Variants in MICAL2 observed in about 807,000 individuals in gnomAD.
MICAL2 encodes the protein [F-actin]-monooxygenase MICAL2.
MICAL2 carries 77 observed loss-of-function variants against 127.3 expected under a neutral mutation model. The observed-to-expected ratio is 0.60, with a 90% CI of 0.50 to 0.73. The LOEUF (loss-of-function observed/expected upper bound fraction) is 0.73, where lower values mean the gene tolerates loss of function less well. MICAL2 is among the 30% of genes least tolerant of loss of function. The pLI is 0.00. For missense variants in MICAL2, 1,351 were observed against 1,434.4 expected (o/e 0.94, Z 0.94); for synonymous variants, 570 against 551.1 (o/e 1.03, Z -0.48).
At chr11:12,344,113 T>G (rs1938914207) in intron 32 of MICAL2, among the ~76,000 whole-genome samples, 1 of 151,972 alleles carries the variant, frequency 6.6e-6, no homozygotes. Context: ...CTGGGCAACA[T>G]AGCGAAACCC....
intron 1 of MICAL2, chr11:12,116,837 T>C (rs1850082339): frequency 1.3e-5 from 2 of 152,264 alleles, no homozygotes; most frequent in South Asian, 4.1e-4. Flanking sequence ...ACCACTGCAC[T>C]GTACCTGTCT....
intron 1 of MICAL2, among the ~76,000 whole-genome samples, chr11:12,134,130 G>A (rs1429504775): frequency 6.6e-6 from 1 of 152,154 alleles, no homozygotes; most frequent in East Asian, 1.9e-4. Flanking sequence ...TGATCATCCA[G>A]TTCCCAGTGT....
chr11:12,335,033 C>A (rs1055738629), intron 32 of MICAL2, among the ~76,000 whole-genome samples: 2 of 152,062 alleles, frequency 1.3e-5, no homozygotes, highest in African/African-American at 4.8e-5. Flanking sequence ...ACCACACTGT[C>A]TTCCACAATG....
At chr11:12,220,168 G>A (rs745456847) in intron 8 of MICAL2, 33 bp from the exon 9 acceptor site, 8 of 1,612,180 alleles carry the variant, frequency 5.0e-6, no homozygotes, top group Non-Finnish European at 5.9e-6. Flanking sequence ...TTTAGAGGGG[G>A]AGGTTGCTGC....
chr11:12,306,944 A>G (rs1864117810), intron 29 of MICAL2, among the ~76,000 whole-genome samples: 1 of 152,170 alleles, frequency 6.6e-6, no homozygotes, highest in Non-Finnish European at 1.5e-5. Flanking sequence ...CTGTGTAGAG[A>G]CATGTTTCCA....
Position 12,258,562 on chromosome 11 carries a change from T to A in MICAL2, c.3231+6T>A. 1 of 1,612,268 alleles carries A rather than the reference T, an allele frequency of 6.2e-7. No individual in the cohort carries two copies. Among genetic ancestry groups the A allele is most frequent in the Non-Finnish European group, 8.5e-7 (1 of 1,178,882 alleles). On this transcript the variant is annotated splice_donor_region_variant and intron_variant, in intron 25 of 27. Transcript: ENST00000683283. ...AGTTGAAGCAACAAAGAGAGGTATG[T>A]TTGTCTCAAACATGCTGGTGAAACG...
intron 3 of MICAL2, among the ~76,000 whole-genome samples, chr11:12,180,066 A>G (rs1295894977): frequency 6.6e-6 from 1 of 152,088 alleles, no homozygotes; most frequent in Non-Finnish European, 1.5e-5. Flanking sequence ...ATCCCCTAAC[A>G]CACTGAAATC....
chr11:12,316,524 T>C (rs920980329), intron 29 of MICAL2, among the ~76,000 whole-genome samples: 3 of 152,108 alleles, frequency 2.0e-5, no homozygotes, highest in Non-Finnish European at 4.4e-5. Flanking sequence ...GTACTGCAAC[T>C]TTACTGATTT....
chr11:12,249,764 G>A (rs748970190), intron 22 of MICAL2, among the ~76,000 whole-genome samples: 38 of 152,248 alleles, frequency 2.5e-4, no homozygotes, highest in Non-Finnish European at 3.8e-4. Context: ...CAAACTCAGC[G>A]GAGAAGTGTA....
chr11:12,292,639 G>A (rs1458338868), downstream of MICAL2, among the ~76,000 whole-genome samples: 1 of 152,206 alleles, frequency 6.6e-6, no homozygotes, highest in Non-Finnish European at 1.5e-5. Flanking sequence ...TGCAGCTGTA[G>A]GATGGCAGGC....
At chr11:12,318,587 G>C (rs1447813344) in intron 29 of MICAL2, among the ~76,000 whole-genome samples, 5 of 152,176 alleles carry the variant, frequency 3.3e-5, no homozygotes, top group African/African-American at 1.2e-4. Context: ...AGTTGACGTG[G>C]AGGTGCTTCT....
chr11:12,144,716 A>G (rs1180433051), intron 2 of MICAL2, among the ~76,000 whole-genome samples: 1 of 152,198 alleles, frequency 6.6e-6, no homozygotes, highest in African/African-American at 2.4e-5. Context: ...GTGAAATACA[A>G]CCTGTCAGAC....
intron 1 of MICAL2, chr11:12,116,566 C>T (rs571836110): frequency 2.0e-5 from 3 of 152,300 alleles, no homozygotes; most frequent in South Asian, 2.1e-4. Context: ...TTCCTCCCTA[C>T]ACCCTCCCCA....
chr11:12,267,369 C>T (rs1000690186), downstream of MICAL2, among the ~76,000 whole-genome samples: 4 of 152,280 alleles, frequency 2.6e-5, no homozygotes, highest in African/African-American at 9.6e-5. Flanking sequence ...ACTGCAATTC[C>T]CCTTTTCTTG....
chr11:12,260,677 A>G (rs1862988170), intron 26 of MICAL2: 12 of 985,814 alleles, frequency 1.2e-5, no homozygotes, highest in Non-Finnish European at 1.4e-5. Flanking sequence ...ACTTTTTACA[A>G]CACGAAAGCA....
downstream of MICAL2, chr11:12,294,839 C>CCTCCTCCTCCTCCTCCTT: frequency 7.2e-7 from 1 of 1,389,292 alleles, no homozygotes; most frequent in Non-Finnish European, 9.6e-7. Flanking sequence ...TCCTCCTCCT[C>CCTCCTCCTCCTCCTCCTT]CTACAGCGGG....
chr11:12,202,254 C>A (rs1854118654), intron 3 of MICAL2, among the ~76,000 whole-genome samples: 1 of 152,210 alleles, frequency 6.6e-6, no homozygotes, highest in Non-Finnish European at 1.5e-5. Context: ...TTTGAAAGGG[C>A]AGTTACCTCT....
chr11:12,161,870 A>C, intron 2 of MICAL2: 1 of 458,972 alleles, frequency 2.2e-6, no homozygotes, highest in East Asian at 4.2e-5. Flanking sequence ...AGCAGAGCAT[A>C]GGGGAAGAGA....
intron 3 of MICAL2, among the ~76,000 whole-genome samples, chr11:12,195,730 A>G (rs942881295): frequency 2.6e-5 from 4 of 151,284 alleles, no homozygotes; most frequent in Admixed American, 2.0e-4. Flanking sequence ...TGTATTAGAA[A>G]ATAGCAATAT....
Sources: gnomAD v4.1 joint callset for allele counts (sites outside exome capture counted in the v4.1 genomes callset) on GRCh38, gnomAD v4.1.1 for gene constraint, MANE v1.5 for transcripts, NCBI Gene and HGNC (gene_info 2026-07-23, HGNC 2026-07-21) for gene names.